Variants in ASH1L observed in about 807,000 individuals in gnomAD.
ASH1L encodes histone-lysine N-methyltransferase ASH1L.
Under a neutral mutation model 269.0 loss-of-function variants are expected in ASH1L, and 23 were observed. That is an observed-to-expected ratio of 0.09 (90% CI 0.06 to 0.12). ASH1L has a LOEUF of 0.12. ASH1L is among the 10% of genes least tolerant of loss of function. The pLI, the probability that ASH1L is intolerant of heterozygous loss-of-function variation, is 1.00. For missense variants in ASH1L, 2,912 were observed against 3,567.8 expected (o/e 0.82, Z 4.68); for synonymous variants, 1,187 against 1,253.5 (o/e 0.95, Z 1.12).
intron 6 of ASH1L, among the ~76,000 whole-genome samples, chr1:155,405,794 C>T (rs544681341): frequency 1.3e-5 from 2 of 148,270 alleles, no homozygotes; most frequent in South Asian, 2.1e-4. Flanking sequence ...CAGGCCACTG[C>T]ACTCCAGTCT....
rs377601384 is a variant in ASH1L at position 155,544,526 on chromosome 1, A to G, written c.-100+17627T>C. 5.9e-3 allele frequency among the ~76,000 whole-genome samples: 899 copies of G among 151,930 alleles called. 8 individuals carry two copies. Among genetic ancestry groups the G allele is most frequent in the African/African-American group, 0.02 (835 of 41,436 alleles). On this transcript the variant is annotated intron_variant, in intron 1 of 27. Coordinates refer to ENST00000392403, the MANE Select transcript of ASH1L (RefSeq NM_018489.3). ...ATGGTCTCGATCTCCTGCCCTCGTGATCTGCCCGCCTCAGCCTCCCAAAGT... is the reference window on the plus strand; with the variant it reads ...ATGGTCTCGATCTCCTGCCCTCGTGGTCTGCCCGCCTCAGCCTCCCAAAGT...
At chr1:155,354,733 A>G in intron 15 of ASH1L, 103 bp from the exon 16 acceptor site, 10 of 1,148,608 alleles carry the variant, frequency 8.7e-6, no homozygotes, top group Non-Finnish European at 1.2e-5. Flanking sequence ...ACGTGAATTG[A>G]GCTGTTGTAA....
At chr1:155,517,031 T>C (rs994141895) in intron 2 of ASH1L, among the ~76,000 whole-genome samples, 2 of 152,184 alleles carry the variant, frequency 1.3e-5, no homozygotes, top group Non-Finnish European at 2.9e-5. Context: ...CTACCTAAAG[T>C]GATCTGTAGA....
rs992182567 is a variant in ASH1L at position 155,335,342 on chromosome 1, A to G, written c.*2318T>C. The G allele has an allele frequency of 2.0e-5, 3 of 152,822 alleles. No homozygotes were observed. Among genetic ancestry groups the G allele is most frequent in the African/African-American group, 7.2e-5 (3 of 41,472 alleles). 9.5% of individuals were successfully genotyped at this position (152,822 alleles called of 1,614,324 possible). A position where few individuals can be genotyped will look rare whatever the true frequency, so the allele number is the denominator to read the frequency against. On this transcript the variant is annotated 3_prime_UTR_variant, in exon 28 of 28. Transcript: ENST00000392403. ...CAAGCTTTGTATGCAATTACATCCA[A>G]TGTTAAAATTGGTAATACATAATTT... is the stretch of plus-strand genomic sequence containing the variant.
chr1:155,480,388 T>G lies in ASH1L; in HGVS notation c.2482A>C (p.Arg828=). The change falls in exon 3 of 28, where the codon AGA becomes CGA. Residue 828 remains arginine, a synonymous_variant. Transcript: ENST00000392403. The part of the protein sequence containing the change: ...DLLSDIYKPK[R]GRPKSKEMPQ... ...ATCTCCTTAGATTTAGGCCTTCCTC[T>G]TTTGGGCTTATAAATATCAGACAAA... 6.2e-7 allele frequency: 1 copy of G among 1,614,098 alleles called. No homozygotes were observed. Among genetic ancestry groups the G allele is most frequent in the Non-Finnish European group, 8.5e-7 (1 of 1,179,920 alleles).
At chr1:155,525,827 G>T (rs1669210982) in intron 1 of ASH1L, among the ~76,000 whole-genome samples, 1 of 151,878 alleles carries the variant, frequency 6.6e-6, no homozygotes, top group African/African-American at 2.4e-5. Context: ...CACCCCCTCA[G>T]ATACCAAAAT....
At chr1:155,508,486 A>G (rs1365049576) in intron 2 of ASH1L, among the ~76,000 whole-genome samples, 1 of 152,098 alleles carries the variant, frequency 6.6e-6, no homozygotes, top group African/African-American at 2.4e-5. Context: ...TAAAAATACA[A>G]AAATTAGCCA....
intron 3 of ASH1L, among the ~76,000 whole-genome samples, chr1:155,476,989 G>A (rs923825497): frequency 6.6e-6 from 1 of 152,122 alleles, no homozygotes; most frequent in African/African-American, 2.4e-5. Flanking sequence ...GAGGTTTAGA[G>A]AATTTACTTG....
At chr1:155,546,943 T>C (rs1670868490) in intron 1 of ASH1L, among the ~76,000 whole-genome samples, 2 of 144,088 alleles carry the variant, frequency 1.4e-5, no homozygotes, top group Admixed American at 1.4e-4. Flanking sequence ...TTTCATCACA[T>C]TCTTTTTTTT....
At chr1:155,525,961 T>C (rs547367466) in intron 1 of ASH1L, among the ~76,000 whole-genome samples, 13 of 152,212 alleles carry the variant, frequency 8.5e-5, no homozygotes, top group Middle Eastern at 3.2e-3. Context: ...GTAAATGATA[T>C]ATAAATAGTT....
chr1:155,425,442 ATT>A (rs796221994), intron 5 of ASH1L, among the ~76,000 whole-genome samples: 8 of 103,132 alleles, frequency 7.8e-5, no homozygotes, highest in Non-Finnish European at 8.7e-5. Flanking sequence ...ATGCAGGGCT[ATT>A]TTTTTTTTTT....
chr1:155,460,026 G>C, intron 3 of ASH1L, 128 bp from the exon 4 acceptor site: 2 of 634,868 alleles, frequency 3.2e-6, no homozygotes, highest in East Asian at 2.9e-5. Context: ...AACATGACTT[G>C]TAACCTGATA....
chr1:155,430,125 G>A (rs1182840401), intron 5 of ASH1L, among the ~76,000 whole-genome samples: 1 of 151,954 alleles, frequency 6.6e-6, no homozygotes, highest in Non-Finnish European at 1.5e-5. Flanking sequence ...ACAGGCATGC[G>A]CCACCACACT....
At chr1:155,500,805 C>A (rs535774255) in intron 2 of ASH1L, among the ~76,000 whole-genome samples, 1 of 152,190 alleles carries the variant, frequency 6.6e-6, no homozygotes, top group East Asian at 1.9e-4. Context: ...CCTGTCTCTA[C>A]TAAAAATACA....
chr1:155,466,762 C>A (rs1400608534), intron 3 of ASH1L, among the ~76,000 whole-genome samples: 1 of 152,166 alleles, frequency 6.6e-6, no homozygotes, highest in Non-Finnish European at 1.5e-5. Flanking sequence ...TGTGCTGTCA[C>A]CTATAGTCAC....
Position 155,343,504 on chromosome 1 carries a change from T to A in ASH1L, c.8121-18A>T. ...GTTCCTCTCTAAAACAATGGAAAAG[T>A]GAGAAGGGAGAGGTTTAGCTGATTA... On this transcript the variant is annotated intron_variant, in intron 23 of 27. Transcript: ENST00000392403. This position sits in a 1 kb window ranked among gnomAD's most constrained non-coding sequence, Gnocchi z 6.1. The A allele has an allele frequency of 6.2e-7, 1 of 1,613,244 alleles. No homozygotes were observed. The highest frequency in any genetic ancestry group is 1.3e-5 in the African/African-American group (1 of 75,000).
At position 155,478,440 on chromosome 1, in the gene ASH1L, C is replaced by A; in HGVS notation, c.4430G>T (p.Trp1477Leu). ...GTGCCTGTGTTTGTGCTCAACCATC[C>A]AACCATAGGCCATCTCAGGAGGAAC... is the stretch of plus-strand genomic sequence containing the variant. Reference protein sequence around the residue: ...PSVPPEMAYGWMVEHKHRHRH... With the variant: ...PSVPPEMAYGLMVEHKHRHRH... The change falls in exon 3 of 28, where the codon TGG (tryptophan) becomes TTG (leucine). Residue 1477 changes from tryptophan (W) to leucine (L), a missense_variant. Transcript: ENST00000392403. The surrounding 1 kb of genome is among the most constrained non-coding windows in gnomAD (Gnocchi z 4.6). 6.2e-7 allele frequency: 1 copy of A among 1,614,114 alleles called. No homozygotes were observed. The highest frequency in any genetic ancestry group is 8.5e-7 in the Non-Finnish European group (1 of 1,180,016).
chr1:155,428,144 T>C (rs1260106621), intron 5 of ASH1L, among the ~76,000 whole-genome samples: 2 of 152,120 alleles, frequency 1.3e-5, no homozygotes, highest in East Asian at 3.9e-4. Context: ...AACAAATTAG[T>C]ATAATGCCTT....
intron 3 of ASH1L, among the ~76,000 whole-genome samples, chr1:155,464,508 G>C (rs1007830571): frequency 6.6e-6 from 1 of 151,340 alleles, no homozygotes; most frequent in African/African-American, 2.4e-5. Flanking sequence ...AGAAATTATA[G>C]GCAAGCTGCA....
Sources: allele counts gnomAD v4.1 joint callset (sites outside exome capture counted in the v4.1 genomes callset), GRCh38; gene constraint gnomAD v4.1.1; non-coding constraint Gnocchi (gnomAD v3.1); transcripts MANE v1.5; gene names NCBI Gene and HGNC (gene_info 2026-07-23, HGNC 2026-07-21).